Variants in CACNA1B observed in about 807,000 individuals in gnomAD.
The protein encoded by CACNA1B is voltage-dependent N-type calcium channel subunit alpha-1B.
In CACNA1B, 70 loss-of-function variants were observed where a neutral mutation model predicts 247.2. The observed-to-expected ratio is 0.28, with a 90% CI of 0.23 to 0.35. CACNA1B has a LOEUF of 0.35. Ranked by LOEUF, CACNA1B falls within the 10% of genes least tolerant of loss-of-function variation. The pLI is 1.00. For synonymous variants in CACNA1B, 1,231 were observed against 1,294.4 expected, an observed-to-expected ratio of 0.95 and a Z score of 1.05; for missense variants, 2,367 against 3,197.4, an observed-to-expected ratio of 0.74 and a Z score of 6.26.
intron 3 of CACNA1B, among the ~76,000 whole-genome samples, chr9:137,911,476 C>T (rs569710627): frequency 4.6e-5 from 7 of 152,276 alleles, no homozygotes; most frequent in East Asian, 1.9e-4. Flanking sequence ...AGTGCAATGG[C>T]GCAATCTCGG....
In CACNA1B at chr9:137,971,690, G is replaced by A. The variant is rs1052595335; in HGVS notation, c.1543+98G>A. ...CCCTGGGGCTACCCCAGGTGGGACG[G>A]GACCCACCCCCATGTTGCTCAAAGT... On this transcript the variant is annotated intron_variant, in intron 11 of 46. Transcript: ENST00000371372. This position sits in a 1 kb window ranked among gnomAD's most constrained non-coding sequence, Gnocchi z 4.4. The A allele has an allele frequency of 2.4e-5, 24 of 993,012 alleles. No homozygotes were observed. The African/African-American group carries it at 3.0e-4, about 13-fold the overall frequency. 61.5% of individuals were successfully genotyped at this position (993,012 alleles called of 1,614,324 possible).
At chr9:138,055,245 A>G (rs531568934) in intron 26 of CACNA1B, among the ~76,000 whole-genome samples, 1 of 149,912 alleles carries the variant, frequency 6.7e-6, no homozygotes, top group East Asian at 2.0e-4. Flanking sequence ...TCCCTCCTCA[A>G]CCTCCTGAGT....
At chr9:137,982,065 T>C (rs568294693) in intron 12 of CACNA1B, among the ~76,000 whole-genome samples, 4 of 152,342 alleles carry the variant, frequency 2.6e-5, no homozygotes, top group Non-Finnish European at 4.4e-5. Context: ...CTGTATTGAC[T>C]TTTCCTGCTG....
chr9:137,984,113 C>T, intron 12 of CACNA1B, 25 bp from the exon 13 acceptor site: 1 of 1,547,498 alleles, frequency 6.5e-7, no homozygotes. Flanking sequence ...ACGGTGCACC[C>T]AAGGCTAATG....
chr9:138,112,307 C>T (rs1476699039), intron 39 of CACNA1B, 91 bp from the exon 40 acceptor site: 5 of 862,900 alleles, frequency 5.8e-6, no homozygotes, highest in Middle Eastern at 2.2e-4. Flanking sequence ...CATTCATCTC[C>T]CCACCTGCAC....
At chr9:138,088,584 C>G (rs558925471) in intron 36 of CACNA1B, among the ~76,000 whole-genome samples, 1 of 151,806 alleles carries the variant, frequency 6.6e-6, no homozygotes, top group East Asian at 1.9e-4. Flanking sequence ...ATGCATGGAA[C>G]CCACCAAGAT....
At chr9:137,963,222 C>T (rs1183191827) in intron 10 of CACNA1B, among the ~76,000 whole-genome samples, 4 of 152,144 alleles carry the variant, frequency 2.6e-5, no homozygotes, top group Admixed American at 2.6e-4. Flanking sequence ...TTTCTGTTTT[C>T]CATTTGCTTC....
chr9:138,121,037 G>T lies in CACNA1B; in HGVS notation c.6489+156G>T, dbSNP rs79614828. ...GGCGCTCCCCTCTGTGCCCTGTCCC[G>T]GAGCCCACGTCTGCAGCCTACCCCA... On this transcript the variant is annotated intron_variant, in intron 46 of 46. Transcript: ENST00000371372. The surrounding 1 kb of genome is among the most constrained non-coding windows in gnomAD (Gnocchi z 6.8). Among the ~76,000 whole-genome samples the T allele has an allele frequency of 4.6e-5, 7 of 151,968 alleles. No individual in the cohort carries two copies. Among genetic ancestry groups the T allele is most frequent in the Non-Finnish European group, 8.8e-5 (6 of 67,974 alleles).
chr9:137,938,740 G>A (rs1957697699), intron 6 of CACNA1B, among the ~76,000 whole-genome samples: 2 of 152,142 alleles, frequency 1.3e-5, no homozygotes. Flanking sequence ...TAACACTGGA[G>A]CTCCCACATT....
chr9:137,978,925 A>G (rs1192758207), intron 12 of CACNA1B, among the ~76,000 whole-genome samples: 2 of 152,136 alleles, frequency 1.3e-5, no homozygotes, highest in East Asian at 3.9e-4. Context: ...AGACATGGAG[A>G]CCTGTGATTT....
At chr9:138,081,482 A>G (rs1829653655) in intron 36 of CACNA1B, among the ~76,000 whole-genome samples, 1 of 151,552 alleles carries the variant, frequency 6.6e-6, no homozygotes, top group Non-Finnish European at 1.5e-5. Context: ...GAGAAGTGAC[A>G]TGGAAAAAAT....
intron 23 of CACNA1B, 119 bp from the exon 24 acceptor site, chr9:138,049,090 A>G (rs1959209160): frequency 2.8e-6 from 2 of 724,414 alleles, no homozygotes; most frequent in African/African-American, 1.7e-5. Context: ...CCCGGGCTTA[A>G]GCAGTCTGCC....
intron 35 of CACNA1B, among the ~76,000 whole-genome samples, chr9:138,077,144 T>C (rs2131318253): frequency 6.6e-6 from 1 of 152,284 alleles, no homozygotes; most frequent in African/African-American, 2.4e-5. Flanking sequence ...CCAGCACAGG[T>C]TGAAGCAGCA....
Position 138,023,213 on chromosome 9 carries a change from G to T in CACNA1B, c.2470G>T (p.Asp824Tyr). 6.6e-7 allele frequency: 1 copy of T among 1,512,874 alleles called. No individual in the cohort carries two copies. 93.7% of individuals were successfully genotyped at this position (1,512,874 alleles called of 1,614,324 possible). A position where few individuals can be genotyped will look rare whatever the true frequency, so the allele number is the denominator to read the frequency against. ...DRPLVVELGR[D>Y]GARGPVGGKA... ...GCCGCTGGTGGTGGAGCTGGGCCGCGACGGCGCGCGGGGGCCCGTGGGAGG... is the reference window on the plus strand; with the variant it reads ...GCCGCTGGTGGTGGAGCTGGGCCGCTACGGCGCGCGGGGGCCCGTGGGAGG... The change falls in exon 19 of 47, where the codon GAC becomes TAC. Residue 824 changes from aspartate (D) to tyrosine (Y), a missense_variant. This residue lies in a region of CACNA1B where 631 missense variants were observed against 631.1 expected (regional missense o/e 1.00). Coordinates refer to ENST00000371372, the MANE Select transcript of CACNA1B (RefSeq NM_000718.4).
chr9:138,098,519 A>C (rs77901981), intron 37 of CACNA1B, among the ~76,000 whole-genome samples: 3,567 of 152,278 alleles, frequency 0.023, 154 homozygotes, highest in African/African-American at 0.08. Flanking sequence ...AGATCAACAA[A>C]GGCCTGTGAG....
At position 137,888,197 on chromosome 9, in the gene CACNA1B, G is replaced by A. The variant is rs1452661817; in HGVS notation, c.530+5314G>A. ...TGGCGCTGGAGAACGGGGCAGGTGG[G>A]CTCTGACACCCAGAAAAGGTAGAGC... is the stretch of plus-strand genomic sequence containing the variant. On this transcript the variant is annotated intron_variant, in intron 3 of 46. Coordinates refer to ENST00000371372, the MANE Select transcript of CACNA1B (RefSeq NM_000718.4). The surrounding 1 kb of genome is among the most constrained non-coding windows in gnomAD (Gnocchi z 4.7). Among the ~76,000 whole-genome samples, 1 of 152,120 alleles carries A rather than the reference G, an allele frequency of 6.6e-6. No individual in the cohort carries two copies. Among genetic ancestry groups the A allele is most frequent in the African/African-American group, 2.4e-5 (1 of 41,420 alleles).
intron 18 of CACNA1B, among the ~76,000 whole-genome samples, chr9:138,022,728 C>T (rs969071566): frequency 6.6e-6 from 1 of 152,102 alleles, no homozygotes; most frequent in Non-Finnish European, 1.5e-5. Flanking sequence ...CTGTCCTGTA[C>T]CCCTCGGCCT....
At chr9:137,912,291 A>C (rs1345454323) in intron 3 of CACNA1B, among the ~76,000 whole-genome samples, 1 of 152,204 alleles carries the variant, frequency 6.6e-6, no homozygotes, top group African/African-American at 2.4e-5. Flanking sequence ...GAGAAGGCAA[A>C]GCTGGCAAAA....
chr9:138,071,219 A>T (rs1960122254), intron 32 of CACNA1B, among the ~76,000 whole-genome samples: 1 of 152,254 alleles, frequency 6.6e-6, no homozygotes, highest in South Asian at 2.1e-4. Context: ...TGTCCCATCA[A>T]GGTGAGTCAG....
Sources: allele counts gnomAD v4.1 joint callset (sites outside exome capture counted in the v4.1 genomes callset), GRCh38; gene constraint gnomAD v4.1.1; regional missense constraint gnomAD v4.1.1; non-coding constraint Gnocchi (gnomAD v3.1); transcripts MANE v1.5; gene names NCBI Gene and HGNC (gene_info 2026-07-23, HGNC 2026-07-21).